Variants in DYRK1A observed in about 807,000 individuals in gnomAD.
DYRK1A encodes dual specificity tyrosine phosphorylation regulated kinase 1A, also known as dual specificity tyrosine-phosphorylation-regulated kinase 1A.
In DYRK1A, 9 loss-of-function variants were observed where a neutral mutation model predicts 79.7. The ratio of observed to expected loss-of-function variants is 0.11; its 90% CI spans 0.07 to 0.20. The LOEUF (loss-of-function observed/expected upper bound fraction) is 0.20, where lower values mean the gene tolerates loss of function less well. Ranked by LOEUF, DYRK1A falls within the 10% of genes least tolerant of loss-of-function variation. The probability of loss-of-function intolerance (pLI) is 1.00; values close to 1 mark genes in which losing one functional copy is unlikely to be tolerated. For synonymous variants in DYRK1A, 349 were observed against 329.7 expected (o/e 1.06, Z -0.63); for missense variants, 622 against 956.0 (o/e 0.65, Z 4.61).
At chr21:37,444,456 A>G (rs1024697784) in intron 2 of DYRK1A, among the ~76,000 whole-genome samples, 1 of 152,212 alleles carries the variant, frequency 6.6e-6, no homozygotes, top group Non-Finnish European at 1.5e-5. Flanking sequence ...TGAGCCTACT[A>G]AGTACGGAAG....
chr21:37,419,118 A>C (rs1161464310), intron 1 of DYRK1A: 2 of 152,184 alleles, frequency 1.3e-5, no homozygotes, highest in Non-Finnish European at 2.9e-5. Flanking sequence ...TACCAATAAG[A>C]GATTTATTTG....
chr21:37,372,495 G>GCT (rs1301706819), intron 1 of DYRK1A, among the ~76,000 whole-genome samples: 2 of 151,450 alleles, frequency 1.3e-5, no homozygotes, highest in African/African-American at 2.4e-5. Context: ...CTGTCTGCTT[G>GCT]CTATCCAGTT....
At chr21:37,440,545 A>G (rs931929360) in intron 2 of DYRK1A, among the ~76,000 whole-genome samples, 1 of 151,908 alleles carries the variant, frequency 6.6e-6, no homozygotes, top group African/African-American at 2.4e-5. Context: ...CTCCGTAACT[A>G]TTGTCTTAGC....
intron 4 of DYRK1A, among the ~76,000 whole-genome samples, chr21:37,479,590 TTTTGTTTTTGTTTTTGTTTTTGTTTTTTG>T: frequency 1.6e-5 from 1 of 63,656 alleles, no homozygotes; most frequent in African/African-American, 1.3e-4. Flanking sequence ...AGTGTTGGTG[TTTTGTTTTTGTTTTTGTTTTTGTTTTTTG>T]TTTTTTTTTT....
intron 2 of DYRK1A, among the ~76,000 whole-genome samples, chr21:37,472,311 G>A (rs537937857): frequency 5.6e-4 from 86 of 152,298 alleles, no homozygotes; most frequent in Non-Finnish European, 1.2e-3. Flanking sequence ...CTTTGAGTTG[G>A]TTTGTGAGGA....
At chr21:37,403,396 C>T (rs935288804) in intron 1 of DYRK1A, among the ~76,000 whole-genome samples, 1 of 151,754 alleles carries the variant, frequency 6.6e-6, no homozygotes, top group Non-Finnish European at 1.5e-5. Context: ...ACTCCTTTTT[C>T]CCCCTTATTG....
intron 2 of DYRK1A, among the ~76,000 whole-genome samples, chr21:37,442,927 A>G (rs997473420): frequency 5.9e-5 from 9 of 152,098 alleles, no homozygotes; most frequent in African/African-American, 2.2e-4. Flanking sequence ...CTCATACTCC[A>G]GGGCTCAAGG....
Position 37,478,380 on chromosome 21 carries a change from T to G in DYRK1A, c.300+80T>G, listed in dbSNP as rs1249100591. The G allele has an allele frequency of 2.0e-5, 24 of 1,209,054 alleles. No individual in the cohort carries two copies. The Admixed American group carries it at 5.7e-4, about 29-fold the overall frequency. The allele number at this position is 1,209,054 out of a possible 1,614,324, so 74.9% of individuals were successfully genotyped here. On this transcript the variant is annotated intron_variant, in intron 4 of 11. Transcript: ENST00000647188. ...AAAGTGTGACCTATTTACCCTAAAC[T>G]TTTTTTTCATTCCTAGTAGTTGTCA...
chr21:37,376,280 C>T (rs762508759), intron 1 of DYRK1A, among the ~76,000 whole-genome samples: 7 of 152,064 alleles, frequency 4.6e-5, no homozygotes, highest in African/African-American at 1.7e-4. Context: ...GAGGCCAAGG[C>T]GAGTGGATCA....
At chr21:37,426,854 A>T (rs2050635090) in intron 2 of DYRK1A, among the ~76,000 whole-genome samples, 1 of 145,832 alleles carries the variant, frequency 6.9e-6, no homozygotes, top group African/African-American at 2.5e-5. Flanking sequence ...TGGGAGGCGG[A>T]GCTTGCAGTG....
chr21:37,418,132 T>G (rs936334369), intron 1 of DYRK1A, among the ~76,000 whole-genome samples: 3 of 152,210 alleles, frequency 2.0e-5, no homozygotes, highest in Non-Finnish European at 4.4e-5. Context: ...TATTAACATT[T>G]TTGTTTTTGA....
At position 37,479,616 on chromosome 21, in the gene DYRK1A, TTTG is replaced by T. The variant is rs1432086951; in HGVS notation, c.301-1019_301-1017del. ...TTTGTTTTTGTTTTTGTTTTTGTTT[TTTG>T]TTTTTTTTTTTTTTTTTGGAGACAG... is the stretch of plus-strand genomic sequence containing the variant. On this transcript the variant is annotated intron_variant, in intron 4 of 11. Transcript: ENST00000647188. Among the ~76,000 whole-genome samples the T allele has an allele frequency of 4.0e-3, 401 of 99,154 alleles. 17 individuals are homozygous for T. Among genetic ancestry groups the T allele is most frequent in the African/African-American group, 9.6e-3 (218 of 22,808 alleles). 65.0% of individuals were successfully genotyped at this position (99,154 alleles called of 152,430 possible).
At chr21:37,485,694 A>T (rs538742396) in intron 5 of DYRK1A, among the ~76,000 whole-genome samples, 9 of 152,320 alleles carry the variant, frequency 5.9e-5, no homozygotes, top group Non-Finnish European at 1.2e-4. Flanking sequence ...TTAATAAGAG[A>T]TAACATTTTC....
intron 2 of DYRK1A, among the ~76,000 whole-genome samples, chr21:37,466,202 C>T (rs1261827446): frequency 1.3e-5 from 2 of 152,162 alleles, no homozygotes; most frequent in African/African-American, 2.4e-5. Flanking sequence ...TCTATCCATG[C>T]TGGATGGTCA....
At chr21:37,386,033 T>A (rs1294532484) in intron 1 of DYRK1A, among the ~76,000 whole-genome samples, 1 of 152,132 alleles carries the variant, frequency 6.6e-6, no homozygotes, top group Non-Finnish European at 1.5e-5. Flanking sequence ...CACATACCAC[T>A]AGCCAGTAAG....
At chr21:37,498,126 C>T (rs955814759) in intron 9 of DYRK1A, among the ~76,000 whole-genome samples, 1 of 152,096 alleles carries the variant, frequency 6.6e-6, no homozygotes, top group Non-Finnish European at 1.5e-5. Context: ...TTTCATTTTA[C>T]ATTTCAAAAG....
At chr21:37,440,130 CTT>C (rs1164986221) in intron 2 of DYRK1A, among the ~76,000 whole-genome samples, 3,662 of 37,392 alleles carry the variant, frequency 0.098, 76 homozygotes, top group South Asian at 0.25. Flanking sequence ...TTGTTTGCTC[CTT>C]TTTTTTTTTT....
At chr21:37,494,148 T>G (rs2148622079) in intron 8 of DYRK1A, among the ~76,000 whole-genome samples, 1 of 152,066 alleles carries the variant, frequency 6.6e-6, no homozygotes, top group Non-Finnish European at 1.5e-5. Flanking sequence ...CGTCTCAGCC[T>G]CCCAAAGTGC....
intron 2 of DYRK1A, among the ~76,000 whole-genome samples, chr21:37,437,328 T>C (rs1337734345): frequency 6.6e-6 from 1 of 152,178 alleles, no homozygotes; most frequent in Non-Finnish European, 1.5e-5. Context: ...TATTGAGTAA[T>C]TTCAAGGGGT....
Sources: gnomAD v4.1 joint callset for allele counts (sites outside exome capture counted in the v4.1 genomes callset) on GRCh38, gnomAD v4.1.1 for gene constraint, MANE v1.5 for transcripts, NCBI Gene and HGNC (gene_info 2026-07-23, HGNC 2026-07-21) for gene names.